The following PFKFB3 variants were observed in gnomAD, a reference collection of about 807,000 sequenced individuals.
The protein encoded by PFKFB3 is 6-phosphofructo-2-kinase/fructose-2,6-biphosphatase 3.
Under a neutral mutation model 68.0 loss-of-function variants are expected in PFKFB3, and 33 were observed. The observed-to-expected ratio is 0.49, with a 90% CI of 0.37 to 0.65. The LOEUF (loss-of-function observed/expected upper bound fraction) is 0.65. Among genes scored for constraint, PFKFB3 ranks in the 30% least tolerant of loss-of-function variants. PFKFB3 has a pLI of 0.00. For missense variants in PFKFB3, 586 were observed against 712.2 expected, an observed-to-expected ratio of 0.82 and a Z score of 2.02; for synonymous variants, 315 against 288.2, an observed-to-expected ratio of 1.09 and a Z score of -0.94.
intron 1 of PFKFB3, among the ~76,000 whole-genome samples, chr10:6,151,375 C>G (rs923187338): frequency 6.7e-6 from 1 of 149,444 alleles, no homozygotes; most frequent in Admixed American, 6.6e-5. Context: ...AACACACTTC[C>G]CCCTGGCCTG....
downstream of PFKFB3, among the ~76,000 whole-genome samples, chr10:6,259,487 C>G (rs1846520601): frequency 6.6e-6 from 1 of 151,434 alleles, no homozygotes; most frequent in African/African-American, 2.4e-5. Context: ...TTCATCCATC[C>G]ATTTGTTCAT....
chr10:6,324,898 T>G, the PFKFB3 span, among the ~76,000 whole-genome samples: 7 of 152,310 alleles, frequency 4.6e-5, no homozygotes, highest in African/African-American at 1.7e-4. Context: ...GAGTTTTGTT[T>G]ATAAAGCTAT....
At chr10:6,267,921 C>CTCCA in the PFKFB3 span, among the ~76,000 whole-genome samples, 7,992 of 141,040 alleles carry the variant, frequency 0.057, 347 homozygotes, top group African/African-American at 0.12. Context: ...TGCCACTGCA[C>CTCCA]TCCAGCCTGG....
chr10:6,180,879 A>C (rs1009458787), intron 1 of PFKFB3, among the ~76,000 whole-genome samples: 1 of 152,242 alleles, frequency 6.6e-6, no homozygotes, highest in Non-Finnish European at 1.5e-5. Context: ...CAAGTAGCAG[A>C]ATTGTGGTAT....
chr10:6,220,596 C>A lies in PFKFB3; in HGVS notation c.624-62C>A. 1 of 1,468,414 alleles carries A rather than the reference C, an allele frequency of 6.8e-7. No individual in the cohort carries two copies. The highest frequency in any genetic ancestry group is 9.5e-7 in the Non-Finnish European group (1 of 1,052,242). 91.0% of individuals were successfully genotyped at this position (1,468,414 alleles called of 1,614,324 possible). On this transcript the variant is annotated intron_variant, in intron 7 of 14. Transcript: ENST00000379775. The surrounding 1 kb of genome is among the most constrained non-coding windows in gnomAD (Gnocchi z 4.1). ...TGGGGATCACATCTTCGGAGACGGGCCAGGTGCATCCTGCTGTGGGTGGTG... is the reference window on the plus strand; with the variant it reads ...TGGGGATCACATCTTCGGAGACGGGACAGGTGCATCCTGCTGTGGGTGGTG...
At chr10:6,307,553 CCTTCCTT>C in the PFKFB3 span, among the ~76,000 whole-genome samples, 1 of 149,660 alleles carries the variant, frequency 6.7e-6, no homozygotes, top group Non-Finnish European at 1.5e-5. Context: ...TTCCTTCCTT[CCTTCCTT>C]CCTTCCTTCC....
At chr10:6,146,871 C>A (rs997751958) in intron 1 of PFKFB3, among the ~76,000 whole-genome samples, 20 of 152,184 alleles carry the variant, frequency 1.3e-4, no homozygotes, top group African/African-American at 4.3e-4. Context: ...TCTGAAGAGA[C>A]CTTGCTGCAT....
chr10:6,202,835 G>C (rs1463924958), upstream of PFKFB3: 43 of 993,606 alleles, frequency 4.3e-5, no homozygotes, highest in Non-Finnish European at 4.8e-5. Flanking sequence ...ACGTGGAAGG[G>C]GGCTGGGACC....
the PFKFB3 span, among the ~76,000 whole-genome samples, chr10:6,280,608 A>G: frequency 2.8e-4 from 43 of 152,032 alleles, no homozygotes; most frequent in African/African-American, 9.2e-4. Context: ...GTCTAGAAAA[A>G]CCTTCTCTGC....
the PFKFB3 span, among the ~76,000 whole-genome samples, chr10:6,292,655 C>T: frequency 1.3e-5 from 2 of 151,372 alleles, no homozygotes; most frequent in Non-Finnish European, 2.9e-5. Context: ...AAAAAACTAT[C>T]AAGGGCAATC....
chr10:6,262,484 T>A, the PFKFB3 span, among the ~76,000 whole-genome samples: 1 of 148,262 alleles, frequency 6.7e-6, no homozygotes, highest in South Asian at 2.1e-4. Context: ...AAAAAAGCTG[T>A]CTTTGGATAT....
At chr10:6,306,498 A>T in the PFKFB3 span, among the ~76,000 whole-genome samples, 2 of 152,230 alleles carry the variant, frequency 1.3e-5, no homozygotes, top group African/African-American at 2.4e-5. Flanking sequence ...AATGTGGTGG[A>T]TGGCCGTGGG....
At chr10:6,285,121 C>T in the PFKFB3 span, among the ~76,000 whole-genome samples, 1 of 152,036 alleles carries the variant, frequency 6.6e-6, no homozygotes, top group African/African-American at 2.4e-5. Flanking sequence ...ATGGATGGAT[C>T]ATATGGCAGT....
intron 1 of PFKFB3, among the ~76,000 whole-genome samples, chr10:6,175,355 A>G (rs1418506941): frequency 6.6e-6 from 1 of 152,178 alleles, no homozygotes; most frequent in African/African-American, 2.4e-5. Context: ...TGTTGGCAAT[A>G]ACAGTAAATA....
chr10:6,262,445 T>C, the PFKFB3 span, among the ~76,000 whole-genome samples: 1 of 90,486 alleles, frequency 1.1e-5, no homozygotes, highest in African/African-American at 4.7e-5. Context: ...ACAGCGAGAC[T>C]CCATCTCAAA....
At chr10:6,267,283 T>G in the PFKFB3 span, among the ~76,000 whole-genome samples, 1 of 152,256 alleles carries the variant, frequency 6.6e-6, no homozygotes, top group Non-Finnish European at 1.5e-5. Context: ...ATTCACCGCT[T>G]GATAACGCTC....
At chr10:6,226,476 T>A in intron 14 of PFKFB3, 111 bp downstream of exon 14, 1 of 989,208 alleles carries the variant, frequency 1.0e-6, no homozygotes, top group Non-Finnish European at 1.5e-6. Flanking sequence ...TGGGTGCGTG[T>A]GGGTGCGCGT....
the PFKFB3 span, among the ~76,000 whole-genome samples, chr10:6,275,572 C>A: frequency 2.0e-5 from 3 of 152,184 alleles, no homozygotes; most frequent in Non-Finnish European, 4.4e-5. This position sits in a 1 kb window ranked among gnomAD's most constrained non-coding sequence, Gnocchi z 4.9. Context: ...CACAATTGTT[C>A]CCCACACGCG....
At chr10:6,265,544 A>T in the PFKFB3 span, among the ~76,000 whole-genome samples, 54,095 of 151,974 alleles carry the variant, frequency 0.36, 9,771 homozygotes, top group East Asian at 0.42. Flanking sequence ...TATGGAAGTC[A>T]TGTTGTGTCT....
Sources: gnomAD v4.1 joint callset for allele counts (sites outside exome capture counted in the v4.1 genomes callset) on GRCh38, gnomAD v4.1.1 for gene constraint, Gnocchi (gnomAD v3.1) non-coding constraint, MANE v1.5 for transcripts, NCBI Gene and HGNC (gene_info 2026-07-23, HGNC 2026-07-21) for gene names.